The following WAPL variants were observed in gnomAD, a reference collection of about 807,000 sequenced individuals.
The protein encoded by WAPL is WAPL cohesin release factor.
WAPL carries 5 observed loss-of-function variants against 121.0 expected under a neutral mutation model. That is an observed-to-expected ratio of 0.04 (90% CI 0.02 to 0.09). WAPL has a LOEUF of 0.09. Ranked by LOEUF, WAPL falls within the 10% of genes least tolerant of loss-of-function variation. The probability of loss-of-function intolerance (pLI) is 1.00; values close to 1 mark genes in which losing one functional copy is unlikely to be tolerated. For missense variants in WAPL, 999 were observed against 1,410.8 expected (o/e 0.71, Z 4.68); for synonymous variants, 480 against 481.5 (o/e 1.00, Z 0.04).
chr10:86,485,354 T>C (rs954465191), intron 4 of WAPL, among the ~76,000 whole-genome samples: 5 of 151,798 alleles, frequency 3.3e-5, no homozygotes, highest in Non-Finnish European at 7.4e-5. Flanking sequence ...ACCAACATGG[T>C]AAAACCCCGT....
At chr10:86,462,933 T>C (rs528377730) in intron 9 of WAPL, among the ~76,000 whole-genome samples, 38 of 152,248 alleles carry the variant, frequency 2.5e-4, no homozygotes, top group Admixed American at 9.2e-4. Flanking sequence ...TGATGGTAAT[T>C]TGATATTAAT....
At chr10:86,506,376 T>A (rs975237445) in intron 2 of WAPL, among the ~76,000 whole-genome samples, 2 of 152,230 alleles carry the variant, frequency 1.3e-5, no homozygotes, top group Non-Finnish European at 2.9e-5. Context: ...CCTCTTCTAA[T>A]AATTAATTAA....
At position 86,515,864 on chromosome 10, in the gene WAPL, C is replaced by CTTT. The variant is rs377683656; in HGVS notation, c.499+1704_499+1706dup. 9.4e-3 allele frequency among the ~76,000 whole-genome samples: 948 copies of CTTT among 101,128 alleles called. 51 individuals carry two copies. Among genetic ancestry groups the CTTT allele is most frequent in the African/African-American group, 0.014 (368 of 26,012 alleles). The allele number at this position is 101,128 out of a possible 152,430, so 66.3% of individuals were successfully genotyped here. A position where few individuals can be genotyped will look rare whatever the true frequency, so the allele number is the denominator to read the frequency against. On this transcript the variant is annotated intron_variant, in intron 2 of 18. Coordinates refer to ENST00000298767, the MANE Select transcript of WAPL (RefSeq NM_015045.5). The stretch of plus-strand genomic sequence containing the variant: ...GAAACAGTTTTTATGCTGTCTATGC[C>CTTT]TTTTTTTTTTTTTTTTTTTGAGATG...
rs148664995 is a variant in WAPL, at chr10:86,519,741, A to C, written c.-23+1624T>G. On this transcript the variant is annotated intron_variant, in intron 1 of 18. Transcript: ENST00000298767. ...GATTCTCTGTTCCTTCAAGAATGTAAAGCTGAGATCCTGCAGGTCTGTAAG... is the reference window on the plus strand; with the variant it reads ...GATTCTCTGTTCCTTCAAGAATGTACAGCTGAGATCCTGCAGGTCTGTAAG... 4.9e-3 allele frequency among the ~76,000 whole-genome samples: 742 copies of C among 152,332 alleles called. 7 individuals carry two copies. The highest frequency in any genetic ancestry group is 0.016 in the African/African-American group (668 of 41,568).
At chr10:86,449,715 G>A (rs1027653448) in intron 15 of WAPL, among the ~76,000 whole-genome samples, 4 of 152,136 alleles carry the variant, frequency 2.6e-5, no homozygotes, top group Admixed American at 6.5e-5. Context: ...GGCGACTGAC[G>A]GTAAGTTTTT....
chr10:86,471,165 G>A, intron 7 of WAPL, 62 bp from the exon 8 acceptor site: 2 of 1,369,710 alleles, frequency 1.5e-6, no homozygotes, highest in South Asian at 1.2e-5. Context: ...TTTTGAGTTT[G>A]TGTAATACCA....
intron 12 of WAPL, among the ~76,000 whole-genome samples, chr10:86,457,764 T>C (rs1391249998): frequency 6.6e-6 from 1 of 152,128 alleles, no homozygotes; most frequent in Non-Finnish European, 1.5e-5. Context: ...GACTAGAAAT[T>C]TGAGACTACT....
intron 15 of WAPL, among the ~76,000 whole-genome samples, chr10:86,448,685 G>A (rs948144946): frequency 1.3e-5 from 2 of 152,088 alleles, no homozygotes; most frequent in African/African-American, 4.8e-5. Context: ...CAGGATCATG[G>A]CTCACTGCAG....
rs1336896689 is a variant in WAPL at position 86,436,338 on chromosome 10, A to G, written c.*1205T>C. ...TACCTGAAAGGTATTTAAAAGTATT[A>G]ATGAAAAAGATCTCTAGAAAGCCTG... On this transcript the variant is annotated 3_prime_UTR_variant, in exon 19 of 19. Transcript: ENST00000298767. 6.6e-6 allele frequency: 1 copy of G among 152,664 alleles called. No individual in the cohort carries two copies. The highest frequency in any genetic ancestry group is 1.5e-5 in the Non-Finnish European group (1 of 68,042). The allele number at this position is 152,664 out of a possible 1,614,324, so 9.5% of individuals were successfully genotyped here.
At position 86,499,842 on chromosome 10, in the gene WAPL, A is replaced by T; in HGVS notation, c.1401T>A (p.Asp467Glu). Residue 467 changes from aspartate to glutamate, a missense_variant, in exon 3 of 19, where the codon GAT becomes GAA. Physicochemically the swap from Asp to Glu is conservative, Grantham distance 45 (BLOSUM62 2). This residue lies in a region of WAPL where 531 missense variants were observed against 563.1 expected (regional missense o/e 0.94). Coordinates refer to ENST00000298767, the MANE Select transcript of WAPL (RefSeq NM_015045.5). Reference sequence around the variant, plus strand: ...TTGTCTTTCTTTCTACTTGACAGTCATCATCTTCATCATCTTCGCTTTCAC... The same window carrying T: ...TTGTCTTTCTTTCTACTTGACAGTCTTCATCTTCATCATCTTCGCTTTCAC... ...DLSESEDDED[D>E]DCQVERKTSK... The T allele has an allele frequency of 6.2e-7, 1 of 1,613,926 alleles. No individual in the cohort carries two copies. Among genetic ancestry groups the T allele is most frequent in the Non-Finnish European group, 8.5e-7 (1 of 1,179,978 alleles).
chr10:86,439,168 C>T (rs957433969), intron 17 of WAPL, among the ~76,000 whole-genome samples: 14 of 152,100 alleles, frequency 9.2e-5, no homozygotes, highest in Admixed American at 5.9e-4. Flanking sequence ...TTTGCCACTA[C>T]CCACCCCCTT....
chr10:86,443,412 A>T, intron 16 of WAPL, 49 bp from the exon 17 acceptor site: 2 of 1,510,496 alleles, frequency 1.3e-6, no homozygotes, highest in Non-Finnish European at 1.8e-6. Flanking sequence ...ATTAACACAA[A>T]CCTCACAAAA....
chr10:86,477,080 T>C (rs1589516816), intron 4 of WAPL, among the ~76,000 whole-genome samples: 1 of 152,332 alleles, frequency 6.6e-6, no homozygotes, highest in Non-Finnish European at 1.5e-5. Flanking sequence ...TTCAGTGTCT[T>C]ACAAGATTAA....
In WAPL at chr10:86,446,362, TATC is replaced by T. The variant is rs1849618979; in HGVS notation, c.3199_3201del (p.Asp1067del). 6.2e-7 allele frequency: 1 copy of T among 1,614,194 alleles called. No individual in the cohort carries two copies. Among genetic ancestry groups the T allele is most frequent in the Non-Finnish European group, 8.5e-7 (1 of 1,180,032 alleles). On this transcript the variant is annotated inframe_deletion, in exon 16 of 19. Transcript: ENST00000298767. ...CTTGTTTCTTGCCACTCTCCACTCT[TATC>T]ATGCTGAGTGGTGGGAGCATCTTTG...
chr10:86,441,638 G>A (rs1166504885), intron 17 of WAPL, among the ~76,000 whole-genome samples: 4 of 151,698 alleles, frequency 2.6e-5, no homozygotes, highest in Non-Finnish European at 4.4e-5. Context: ...AATTTGATGA[G>A]ACACCTAGCT....
chr10:86,489,700 A>G lies in WAPL; in HGVS notation c.1644+7501T>C, dbSNP rs570974949. Among the ~76,000 whole-genome samples, 77 of 152,260 alleles carry G rather than the reference A, an allele frequency of 5.1e-4. 1 individual carries two copies. The South Asian group carries it at 0.016, about 31-fold the overall frequency. ...AAGAATTATTCAGTCCAAAATATCA[A>G]TAGTGCTCAGGCTGAAAAACTGTGA... On this transcript the variant is annotated intron_variant, in intron 4 of 18. Coordinates refer to ENST00000298767, the MANE Select transcript of WAPL (RefSeq NM_015045.5).
At chr10:86,474,376 A>C (rs777031939) in intron 4 of WAPL, among the ~76,000 whole-genome samples, 17 of 152,092 alleles carry the variant, frequency 1.1e-4, no homozygotes, top group Admixed American at 2.6e-4. Flanking sequence ...TTAGCTGGGC[A>C]TGGTGGCAGG....
chr10:86,480,054 A>G (rs1841747157), intron 4 of WAPL, among the ~76,000 whole-genome samples: 1 of 152,252 alleles, frequency 6.6e-6, no homozygotes, highest in African/African-American at 2.4e-5. Context: ...AAGACTACAG[A>G]AACTCCTAAA....
intron 2 of WAPL, among the ~76,000 whole-genome samples, chr10:86,512,822 T>A (rs1264200096): frequency 6.6e-6 from 1 of 151,922 alleles, no homozygotes; most frequent in Non-Finnish European, 1.5e-5. Context: ...CAGATACAAC[T>A]ATTGGAGGTG....
Sources: gnomAD v4.1 joint callset for allele counts (sites outside exome capture counted in the v4.1 genomes callset) on GRCh38, gnomAD v4.1.1 for gene constraint, gnomAD v4.1.1 regional missense constraint, MANE v1.5 for transcripts, NCBI Gene and HGNC (gene_info 2026-07-23, HGNC 2026-07-21) for gene names.